The following PHACTR2 variants were observed in gnomAD, a reference collection of about 807,000 sequenced individuals.
The protein encoded by PHACTR2 is chromosome 6 open reading frame 56.
A neutral mutation model predicts 76.0 loss-of-function variants in PHACTR2; 30 were observed. The observed-to-expected ratio is 0.39, with a 90% CI of 0.30 to 0.54. The LOEUF is 0.54. PHACTR2 is among the 20% of genes least tolerant of loss of function. The pLI, the probability that PHACTR2 is intolerant of heterozygous loss-of-function variation, is 0.61. For missense variants in PHACTR2, 696 were observed against 781.1 expected (o/e 0.89, Z 1.30); for synonymous variants, 292 against 292.5 (o/e 1.00, Z 0.02).
At chr6:143,786,143 C>T (rs948218494) in intron 10 of PHACTR2, among the ~76,000 whole-genome samples, 2 of 152,214 alleles carry the variant, frequency 1.3e-5, no homozygotes, top group African/African-American at 4.8e-5. Flanking sequence ...AAATGGAATG[C>T]TTTTAACAGC....
intron 11 of PHACTR2, among the ~76,000 whole-genome samples, chr6:143,805,389 G>T (rs1192717131): frequency 1.4e-5 from 2 of 146,444 alleles, no homozygotes; most frequent in Non-Finnish European, 3.0e-5. Flanking sequence ...TGAGGCAGGA[G>T]AATCACTTGA....
chr6:143,708,615 A>T lies in PHACTR2; in HGVS notation c.47-3401A>T, dbSNP rs1198852340. 6.6e-6 allele frequency among the ~76,000 whole-genome samples: 1 copy of T among 152,238 alleles called. No individual in the cohort carries two copies. The highest frequency in any genetic ancestry group is 1.9e-4 in the East Asian group (1 of 5,206). On this transcript the variant is annotated intron_variant, in intron 1 of 12. Coordinates refer to ENST00000440869, the MANE Select transcript of PHACTR2 (RefSeq NM_001100164.2). This position sits in a 1 kb window ranked among gnomAD's most constrained non-coding sequence, Gnocchi z 5.5. The stretch of plus-strand genomic sequence containing the variant: ...GGAAAACTGATCCACAAGAAAAATT[A>T]TAGAAATATCAATAGCAATGCCCAG...
At chr6:143,660,334 C>T (rs751187264) in intron 1 of PHACTR2, among the ~76,000 whole-genome samples, 3 of 151,980 alleles carry the variant, frequency 2.0e-5, no homozygotes, top group Non-Finnish European at 4.4e-5. Flanking sequence ...GAGCAAGTCA[C>T]ATCTTACATG....
rs1477926996 is a variant in PHACTR2 at position 143,772,778 on chromosome 6, G to C, written c.1432+321G>C. 6.6e-6 allele frequency among the ~76,000 whole-genome samples: 1 copy of C among 152,150 alleles called. No individual in the cohort carries two copies. The highest frequency in any genetic ancestry group is 2.4e-5 in the African/African-American group (1 of 41,424). ...ACCTTTCTCACTATGACCAAAGAGAGCCCTTCCACTCTGGGCCTGTTGTTG... is the reference window on the plus strand; with the variant it reads ...ACCTTTCTCACTATGACCAAAGAGACCCCTTCCACTCTGGGCCTGTTGTTG... On this transcript the variant is annotated intron_variant, in intron 7 of 12. Transcript: ENST00000440869. This position sits in a 1 kb window ranked among gnomAD's most constrained non-coding sequence, Gnocchi z 5.4.
chr6:143,817,647 T>C (rs1776328828), intron 12 of PHACTR2, among the ~76,000 whole-genome samples: 1 of 152,200 alleles, frequency 6.6e-6, no homozygotes, highest in Admixed American at 6.5e-5. Flanking sequence ...GTGGTATACA[T>C]ACACAATGGA....
rs1779595679 is a variant in PHACTR2 at position 143,767,969 on chromosome 6, C to G, written c.1232+2171C>G. ...TCTCCTGCCTCAGCCTCCCCAGTAA[C>G]TGGAACTACGGGTGCCTGCCACCAC... On this transcript the variant is annotated intron_variant, in intron 6 of 12. Transcript: ENST00000440869. The surrounding 1 kb of genome is among the most constrained non-coding windows in gnomAD (Gnocchi z 4.4). Among the ~76,000 whole-genome samples, 1 of 152,196 alleles carries G rather than the reference C, an allele frequency of 6.6e-6. No individual in the cohort carries two copies. The highest frequency in any genetic ancestry group is 1.5e-5 in the Non-Finnish European group (1 of 68,032).
chr6:143,652,112 A>T lies in PHACTR2; in HGVS notation c.13+43790A>T, dbSNP rs1053627326. ...GTAAACACTGGTGATTCTGCTTTAT[A>T]CTAAAAATGATGGCGGTGATGGGGG... On this transcript the variant is annotated intron_variant, in intron 1 of 11. Transcript: ENST00000305766. The surrounding 1 kb of genome is among the most constrained non-coding windows in gnomAD (Gnocchi z 4.5). Among the ~76,000 whole-genome samples the T allele has an allele frequency of 6.6e-6, 1 of 150,954 alleles. No individual in the cohort carries two copies. Among genetic ancestry groups the T allele is most frequent in the African/African-American group, 2.4e-5 (1 of 41,366 alleles).
At chr6:143,552,730 C>G (rs983721472) in intron 1 of PHACTR2, among the ~76,000 whole-genome samples, 2 of 151,836 alleles carry the variant, frequency 1.3e-5, no homozygotes, top group Admixed American at 6.6e-5. Flanking sequence ...ATGGTGAAAC[C>G]CTGTCTCTAC....
intron 2 of PHACTR2, among the ~76,000 whole-genome samples, chr6:143,716,138 A>C (rs1462513057): frequency 6.6e-6 from 1 of 152,172 alleles, no homozygotes; most frequent in Non-Finnish European, 1.5e-5. Flanking sequence ...TGACCAAGAT[A>C]ATGACTTTAC....
chr6:143,608,164 G>A (rs767537084), upstream of PHACTR2: 15 of 753,582 alleles, frequency 2.0e-5, no homozygotes, highest in Non-Finnish European at 3.0e-5. This position sits in a 1 kb window ranked among gnomAD's most constrained non-coding sequence, Gnocchi z 4.6. Flanking sequence ...ATTTCCTGGC[G>A]GTGTCTCCTG....
Position 143,818,865 on chromosome 6 carries a change from A to G in PHACTR2, c.1923-4809A>G, listed in dbSNP as rs1226518962. 6.6e-6 allele frequency among the ~76,000 whole-genome samples: 1 copy of G among 152,214 alleles called. No individual in the cohort carries two copies. Among genetic ancestry groups the G allele is most frequent in the African/African-American group, 2.4e-5 (1 of 41,454 alleles). On this transcript the variant is annotated intron_variant, in intron 12 of 12. Coordinates refer to ENST00000440869, the MANE Select transcript of PHACTR2 (RefSeq NM_001100164.2). This position sits in a 1 kb window ranked among gnomAD's most constrained non-coding sequence, Gnocchi z 4.9. ...GTTTCGGAGGGAACACAGCCAAACC[A>G]TATCAATTTGCCTTTCACATTGTAT...
At position 143,812,752 on chromosome 6, in the gene PHACTR2, C is replaced by T. The variant is rs536735791; in HGVS notation, c.1922+5619C>T. ...GCATTTTCTACCCCTCAACAGTGCCCACTCAGCCCACTGTTCAAAACCAAA... is the reference window on the plus strand; with the variant it reads ...GCATTTTCTACCCCTCAACAGTGCCTACTCAGCCCACTGTTCAAAACCAAA... On this transcript the variant is annotated intron_variant, in intron 12 of 12. Coordinates refer to ENST00000440869, the MANE Select transcript of PHACTR2 (RefSeq NM_001100164.2). 3.0e-4 allele frequency among the ~76,000 whole-genome samples: 46 copies of T among 152,304 alleles called. 1 individual carries two copies. Among genetic ancestry groups the T allele is most frequent in the African/African-American group, 1.1e-3 (46 of 41,552 alleles).
In PHACTR2 at chr6:143,550,760, C is replaced by T. The variant is rs1362892163; in HGVS notation, c.217+13553C>T. ...AAAACAAACAAACAAAGATTAGGGG[C>T]GAGTGCGGTGGCTCACGCCTGTAAT... On this transcript the variant is annotated intron_variant, in intron 1 of 11. Transcript: ENST00000367584. The surrounding 1 kb of genome is among the most constrained non-coding windows in gnomAD (Gnocchi z 4.8). 3.3e-5 allele frequency among the ~76,000 whole-genome samples: 5 copies of T among 151,980 alleles called. No individual in the cohort carries two copies. Among genetic ancestry groups the T allele is most frequent in the South Asian group, 2.1e-4 (1 of 4,808 alleles).
chr6:143,818,892 T>C lies in PHACTR2; in HGVS notation c.1923-4782T>C, dbSNP rs1422578601. On this transcript the variant is annotated intron_variant, in intron 12 of 12. Coordinates refer to ENST00000440869, the MANE Select transcript of PHACTR2 (RefSeq NM_001100164.2). This position sits in a 1 kb window ranked among gnomAD's most constrained non-coding sequence, Gnocchi z 4.9. ...ATCAATTTGCCTTTCACATTGTATA[T>C]AAAATATTTGATTTAAGAGGTTTTC... Among the ~76,000 whole-genome samples, 1 of 152,236 alleles carries C rather than the reference T, an allele frequency of 6.6e-6. No homozygotes were observed. Among genetic ancestry groups the C allele is most frequent in the Admixed American group, 6.5e-5 (1 of 15,284 alleles).
chr6:143,564,171 ATGTGTGTGTGTATG>A (rs1385820174), intron 1 of PHACTR2, among the ~76,000 whole-genome samples: 6 of 39,160 alleles, frequency 1.5e-4, no homozygotes, highest in South Asian at 1.9e-3. Context: ...GTGTGCATAT[ATGTGTGTGTGTATG>A]TGTGTGTGTG....
At position 143,726,503 on chromosome 6, in the gene PHACTR2, A is replaced by G. The variant is rs148065682; in HGVS notation, c.214+14320A>G. On this transcript the variant is annotated intron_variant, in intron 2 of 12. Transcript: ENST00000440869. ...AATTTGACTACTTTAGATCCCTCAT[A>G]TAAGTGGACTCAGATAGTATTTTTT... 2.9e-3 allele frequency among the ~76,000 whole-genome samples: 445 copies of G among 152,340 alleles called. 4 individuals are homozygous for G. In the South Asian group the frequency reaches 0.041, roughly 14 times the overall value.
rs1209868953 is a variant in PHACTR2, at chr6:143,648,272, G to A, written c.13+39950G>A. Among the ~76,000 whole-genome samples the A allele has an allele frequency of 1.3e-5, 2 of 152,234 alleles. No homozygotes were observed. The highest frequency in any genetic ancestry group is 2.9e-5 in the Non-Finnish European group (2 of 68,042). ...GCAGGGCCTAGGAAACATGGTGGAA[G>A]TTTTGAGATAAAAATATTGCAGCCC... On this transcript the variant is annotated intron_variant, in intron 1 of 11. Coordinates refer to the PHACTR2 transcript ENST00000305766. This position sits in a 1 kb window ranked among gnomAD's most constrained non-coding sequence, Gnocchi z 6.7.
At chr6:143,668,767 C>G in intron 1 of PHACTR2, among the ~76,000 whole-genome samples, 1 of 151,938 alleles carries the variant, frequency 6.6e-6, no homozygotes, top group East Asian at 1.9e-4. Flanking sequence ...CTTCTCTCTT[C>G]TCTTCTTTAT....
chr6:143,792,199 T>C (rs757340560), intron 11 of PHACTR2, among the ~76,000 whole-genome samples: 3 of 152,228 alleles, frequency 2.0e-5, no homozygotes, highest in Non-Finnish European at 2.9e-5. Flanking sequence ...TCACTTACCT[T>C]ATTTTTCTGG....
Sources: allele counts gnomAD v4.1 joint callset (sites outside exome capture counted in the v4.1 genomes callset), GRCh38; gene constraint gnomAD v4.1.1; non-coding constraint Gnocchi (gnomAD v3.1); transcripts MANE v1.5; gene names NCBI Gene and HGNC (gene_info 2026-07-23, HGNC 2026-07-21).